Variants in U2SURP observed in about 807,000 individuals in gnomAD.
U2SURP encodes the protein U2 snRNP associated SURP domain containing.
Under a neutral mutation model 144.9 loss-of-function variants are expected in U2SURP, and 9 were observed. The ratio of observed to expected loss-of-function variants is 0.06; its 90% CI spans 0.04 to 0.11. The LOEUF (loss-of-function observed/expected upper bound fraction) is 0.11, where lower values mean the gene tolerates loss of function less well. U2SURP is among the 10% of genes least tolerant of loss of function. The pLI, the probability that U2SURP is intolerant of heterozygous loss-of-function variation, is 1.00. For missense variants in U2SURP, 724 were observed against 1,226.7 expected, an observed-to-expected ratio of 0.59 and a Z score of 6.12; for synonymous variants, 408 against 396.8, an observed-to-expected ratio of 1.03 and a Z score of -0.33.
chr3:143,022,741 G>C, intron 11 of U2SURP, 79 bp downstream of exon 11: 1 of 1,482,660 alleles, frequency 6.7e-7, no homozygotes, highest in Non-Finnish European at 9.0e-7. Context: ...AACTAGGAAG[G>C]ATTGGACCTG....
intron 1 of U2SURP, among the ~76,000 whole-genome samples, chr3:143,008,209 T>C (rs911518553): frequency 1.3e-5 from 2 of 152,246 alleles, no homozygotes; most frequent in Non-Finnish European, 2.9e-5. Context: ...ATTTGGTGAA[T>C]GGTTACGCAA....
chr3:143,035,180 A>G (rs150549985), intron 19 of U2SURP, among the ~76,000 whole-genome samples: 43 of 152,078 alleles, frequency 2.8e-4, no homozygotes, highest in Admixed American at 5.2e-4. Context: ...GTTTAATTTT[A>G]GTTTTAAATA....
At chr3:143,013,889 T>C (rs1002080760) in intron 3 of U2SURP, among the ~76,000 whole-genome samples, 1 of 152,042 alleles carries the variant, frequency 6.6e-6, no homozygotes, top group Non-Finnish European at 1.5e-5. Context: ...AAATGAGTGT[T>C]GTAGGTGGTA....
At chr3:143,013,281 T>A (rs917655409) in intron 3 of U2SURP, among the ~76,000 whole-genome samples, 4 of 152,106 alleles carry the variant, frequency 2.6e-5, no homozygotes, top group African/African-American at 9.6e-5. Context: ...CCAAAGAGAC[T>A]GAATGATGGC....
chr3:143,017,232 A>G (rs547569435), intron 6 of U2SURP: 1 of 296,238 alleles, frequency 3.4e-6, no homozygotes, highest in East Asian at 5.8e-5. Flanking sequence ...CAAGTCAAAA[A>G]TTGACTATAT....
intron 13 of U2SURP, among the ~76,000 whole-genome samples, chr3:143,025,236 C>T (rs890619182): frequency 1.3e-5 from 2 of 152,104 alleles, no homozygotes; most frequent in African/African-American, 4.8e-5. Context: ...AAAGCATTCA[C>T]AGGATAGTAT....
chr3:143,003,723 G>A (rs867117591), intron 1 of U2SURP, among the ~76,000 whole-genome samples: 2 of 118,376 alleles, frequency 1.7e-5, no homozygotes, highest in African/African-American at 6.4e-5. Flanking sequence ...TCGCTCTGTC[G>A]CCCAGGCTGG....
chr3:143,042,089 T>TAC (rs1934146246), intron 23 of U2SURP, among the ~76,000 whole-genome samples: 1 of 152,118 alleles, frequency 6.6e-6, no homozygotes, highest in African/African-American at 2.4e-5. Context: ...TGACCAGCTT[T>TAC]ACACACAGTT....
intron 23 of U2SURP, among the ~76,000 whole-genome samples, chr3:143,040,819 TA>T (rs1291486521): frequency 6.6e-6 from 1 of 151,846 alleles, no homozygotes; most frequent in East Asian, 1.9e-4. Flanking sequence ...TAAAAAGTCT[TA>T]AGTAATATGG....
At chr3:143,054,255 TC>T (rs1560209477) in intron 26 of U2SURP, among the ~76,000 whole-genome samples, 1 of 152,226 alleles carries the variant, frequency 6.6e-6, no homozygotes, top group African/African-American at 2.4e-5. Context: ...CATTTCTCTT[TC>T]AGTTTTTATG....
At chr3:143,035,746 T>C (rs1210191386) in intron 19 of U2SURP, among the ~76,000 whole-genome samples, 1 of 152,126 alleles carries the variant, frequency 6.6e-6, no homozygotes, top group African/African-American at 2.4e-5. Flanking sequence ...AAAGAGCAAA[T>C]AGTTACTGTT....
intron 8 of U2SURP, 49 bp from the exon 9 acceptor site, chr3:143,021,301 A>G: frequency 6.5e-7 from 1 of 1,547,526 alleles, no homozygotes; most frequent in Non-Finnish European, 8.8e-7. Context: ...GTAAGGGGGG[A>G]CTACTGTATT....
In U2SURP at chr3:143,004,575, C is replaced by CG. The variant is rs1294401963; in HGVS notation, c.45+2902_45+2903insG. Among the ~76,000 whole-genome samples, 11 of 71,334 alleles carry CG rather than the reference C, an allele frequency of 1.5e-4. 1 individual carries two copies. The highest frequency in any genetic ancestry group is 4.5e-4 in the East Asian group (1 of 2,210). 46.8% of individuals were successfully genotyped at this position (71,334 alleles called of 152,430 possible). A position where few individuals can be genotyped will look rare whatever the true frequency, so the allele number is the denominator to read the frequency against. On this transcript the variant is annotated intron_variant, in intron 1 of 27. Coordinates refer to ENST00000473835, the MANE Select transcript of U2SURP (RefSeq NM_001080415.2). ...TCTGTTGGCCTCTTGACCTTGTGAC[C>CG]CCCCCCCCCCGCCTCGGCCTCCCAA... is the stretch of plus-strand genomic sequence containing the variant.
At chr3:143,025,934 AGT>A (rs1201060700) in intron 13 of U2SURP, 1 of 152,118 alleles carries the variant, frequency 6.6e-6, no homozygotes, top group African/African-American at 2.4e-5. Flanking sequence ...GAGCCACAAA[AGT>A]CTGTCTTGTT....
At chr3:143,047,882 A>AG (rs1553846515) in intron 24 of U2SURP, among the ~76,000 whole-genome samples, 2 of 140,360 alleles carry the variant, frequency 1.4e-5, no homozygotes, top group Non-Finnish European at 1.5e-5. Flanking sequence ...CGGGGGGCTG[A>AG]CCCCCCCCAA....
chr3:143,009,986 C>T (rs369803041), intron 1 of U2SURP, among the ~76,000 whole-genome samples: 1 of 152,092 alleles, frequency 6.6e-6, no homozygotes, highest in Non-Finnish European at 1.5e-5. Context: ...ATTTCACTAC[C>T]GTATACCCTC....
rs770547435 is a variant in U2SURP at position 143,028,424 on chromosome 3, C to T, written c.1446+18C>T. The T allele has an allele frequency of 6.2e-7, 1 of 1,611,466 alleles. No individual in the cohort carries two copies. Among genetic ancestry groups the T allele is most frequent in the South Asian group, 1.1e-5 (1 of 90,358 alleles). On this transcript the variant is annotated intron_variant, in intron 15 of 27. Coordinates refer to ENST00000473835, the MANE Select transcript of U2SURP (RefSeq NM_001080415.2). Reference sequence around the variant, plus strand: ...TTCTGCAGGCAAGTAGAATCAATTACTTTGTTAATTTTGACTCTGAGTAAT... The same window carrying T: ...TTCTGCAGGCAAGTAGAATCAATTATTTTGTTAATTTTGACTCTGAGTAAT...
chr3:143,052,789 T>C (rs1355750072), intron 25 of U2SURP, among the ~76,000 whole-genome samples: 1 of 152,254 alleles, frequency 6.6e-6, no homozygotes, highest in Non-Finnish European at 1.5e-5. Context: ...CATAGCTTGC[T>C]TGATGCATAT....
intron 18 of U2SURP, 144 bp from the exon 19 acceptor site, chr3:143,034,744 G>C: frequency 1.7e-6 from 1 of 599,220 alleles, no homozygotes; most frequent in South Asian, 2.1e-5. Context: ...CGGTTTTAGA[G>C]TTTAAACACC....
Sources: gnomAD v4.1 joint callset for allele counts (sites outside exome capture counted in the v4.1 genomes callset) on GRCh38, gnomAD v4.1.1 for gene constraint, MANE v1.5 for transcripts, NCBI Gene and HGNC (gene_info 2026-07-23, HGNC 2026-07-21) for gene names.